SGCZ: variants seen among roughly 807,000 people sequenced by gnomAD.
SGCZ encodes zeta-sarcoglycan.
SGCZ carries 40 observed loss-of-function variants against 41.3 expected under a neutral mutation model. The ratio of observed to expected loss-of-function variants is 0.97; its 90% CI spans 0.75 to 1.26. The LOEUF (loss-of-function observed/expected upper bound fraction) is 1.26. SGCZ is among the 50% of genes most tolerant of loss of function. The pLI, the probability that SGCZ is intolerant of heterozygous loss-of-function variation, is 0.00. For missense variants in SGCZ, 552 were observed against 369.8 expected (o/e 1.49, Z -4.04); for synonymous variants, 206 against 137.5 (o/e 1.50, Z -3.49).
At chr8:14,281,756 C>T (rs1207298608) in intron 3 of SGCZ, among the ~76,000 whole-genome samples, 2 of 151,860 alleles carry the variant, frequency 1.3e-5, no homozygotes, top group Non-Finnish European at 2.9e-5. Context: ...CATAGAGGGG[C>T]CTGTGAGGTT....
intron 3 of SGCZ, among the ~76,000 whole-genome samples, chr8:14,306,563 C>G (rs1040157418): frequency 6.6e-6 from 1 of 152,024 alleles, no homozygotes; most frequent in East Asian, 1.9e-4. Flanking sequence ...TTTTTGATGA[C>G]CAAAAGAGGA....
At chr8:14,809,225 T>C (rs1001523686) in intron 1 of SGCZ, among the ~76,000 whole-genome samples, 1 of 151,784 alleles carries the variant, frequency 6.6e-6, no homozygotes, top group African/African-American at 2.4e-5. Flanking sequence ...AAACTTAAAG[T>C]ATAATAATAA....
rs116453111 is a variant in SGCZ at position 15,086,458 on chromosome 8, A to G, written c.39+151127T>C. ...TTTCCATGCCCTTGATTCAATACCT[A>G]TTGAATATGTATCTGAACATATGTC... On this transcript the variant is annotated intron_variant, in intron 1 of 7. Coordinates refer to ENST00000382080, the MANE Select transcript of SGCZ (RefSeq NM_139167.4). Among the ~76,000 whole-genome samples, 1,057 of 152,180 alleles carry G rather than the reference A, an allele frequency of 6.9e-3. 13 individuals carry two copies. The highest frequency in any genetic ancestry group is 0.024 in the African/African-American group (1,016 of 41,494).
chr8:14,271,419 T>C (rs1398094653), intron 3 of SGCZ, among the ~76,000 whole-genome samples: 1 of 152,202 alleles, frequency 6.6e-6, no homozygotes, highest in Admixed American at 6.5e-5. Flanking sequence ...CCATGAAGAC[T>C]TGTAGATAGT....
At chr8:14,144,387 C>G (rs56751844) in intron 5 of SGCZ, among the ~76,000 whole-genome samples, 27,170 of 152,036 alleles carry the variant, frequency 0.18, 3,266 homozygotes, top group East Asian at 0.65. Flanking sequence ...GAAGGGAATC[C>G]ACTGCTTTGA....
chr8:14,127,375 G>T (rs1802893844), intron 5 of SGCZ, among the ~76,000 whole-genome samples: 1 of 151,988 alleles, frequency 6.6e-6, no homozygotes, highest in East Asian at 1.9e-4. Context: ...TTTTGTCAGT[G>T]GCAAAGCATA....
At chr8:14,929,838 T>C (rs1281047285) in intron 1 of SGCZ, among the ~76,000 whole-genome samples, 2 of 152,058 alleles carry the variant, frequency 1.3e-5, no homozygotes, top group African/African-American at 4.8e-5. Context: ...TCCTCATTAT[T>C]TCAACAGAAT....
intron 3 of SGCZ, among the ~76,000 whole-genome samples, chr8:14,261,906 T>C (rs78994646): frequency 0.015 from 2,343 of 152,280 alleles, 35 homozygotes; most frequent in Non-Finnish European, 0.024. Context: ...AGGAAAAGTT[T>C]ACTGAACTTT....
At chr8:14,403,438 G>A (rs2117252737) in intron 2 of SGCZ, among the ~76,000 whole-genome samples, 1 of 151,692 alleles carries the variant, frequency 6.6e-6, no homozygotes, top group Non-Finnish European at 1.5e-5. Flanking sequence ...GTCATAGATA[G>A]CTCTTATTAT....
chr8:14,282,678 T>C (rs1165979622), intron 3 of SGCZ, among the ~76,000 whole-genome samples: 1 of 152,146 alleles, frequency 6.6e-6, no homozygotes, highest in African/African-American at 2.4e-5. Context: ...CTCAGTTGCC[T>C]GATCCTTCCA....
intron 1 of SGCZ, among the ~76,000 whole-genome samples, chr8:14,950,385 C>A (rs1800594646): frequency 6.6e-6 from 1 of 151,834 alleles, no homozygotes; most frequent in Non-Finnish European, 1.5e-5. Flanking sequence ...TCCCTTCTTT[C>A]CTGTTTTGTT....
intron 1 of SGCZ, among the ~76,000 whole-genome samples, chr8:15,039,388 G>A (rs139483794): frequency 2.6e-4 from 39 of 152,250 alleles, no homozygotes; most frequent in Middle Eastern, 3.4e-3. Flanking sequence ...GACAAATACC[G>A]CATGATATTA....
intron 1 of SGCZ, among the ~76,000 whole-genome samples, chr8:14,637,661 T>A (rs1432818098): frequency 1.3e-5 from 2 of 151,922 alleles, no homozygotes; most frequent in African/African-American, 4.8e-5. Flanking sequence ...TCCGTTCTTT[T>A]TTATGGCTGC....
At chr8:14,354,573 CAT>C (rs944566222) in intron 2 of SGCZ, among the ~76,000 whole-genome samples, 199 of 151,624 alleles carry the variant, frequency 1.3e-3, no homozygotes, top group African/African-American at 4.3e-3. Context: ...ACTACAAAGA[CAT>C]AAACATAATA....
chr8:14,611,289 C>G (rs1805919956), intron 1 of SGCZ, among the ~76,000 whole-genome samples: 1 of 151,216 alleles, frequency 6.6e-6, no homozygotes, highest in African/African-American at 2.4e-5. Context: ...GAGAAATAAT[C>G]TTCACTATCT....
At chr8:14,547,148 TAATC>T (rs1434863870) in intron 2 of SGCZ, among the ~76,000 whole-genome samples, 2 of 152,188 alleles carry the variant, frequency 1.3e-5, no homozygotes, top group African/African-American at 2.4e-5. Flanking sequence ...TATAATATCT[TAATC>T]AGGTAATAAT....
At chr8:14,580,379 A>G (rs541897968) in intron 1 of SGCZ, among the ~76,000 whole-genome samples, 1 of 152,356 alleles carries the variant, frequency 6.6e-6, no homozygotes, top group African/African-American at 2.4e-5. Flanking sequence ...AAATAGTAAT[A>G]CTTTAAATGG....
At chr8:14,713,830 G>C (rs1310592431) in intron 1 of SGCZ, among the ~76,000 whole-genome samples, 2 of 152,014 alleles carry the variant, frequency 1.3e-5, no homozygotes, top group African/African-American at 4.8e-5. Flanking sequence ...GAGTCCTTCA[G>C]GGAAAAATAA....
Position 15,110,033 on chromosome 8 carries a change from T to C in SGCZ, c.39+127552A>G, listed in dbSNP as rs549387876. ...TTCTTCTCTTGAGGCCACAGGGACA[T>C]TTTCATTAGTTAATTATTCAGAGAC... is the stretch of plus-strand genomic sequence containing the variant. On this transcript the variant is annotated intron_variant, in intron 1 of 7. Transcript: ENST00000382080. Among the ~76,000 whole-genome samples, 14 of 152,288 alleles carry C rather than the reference T, an allele frequency of 9.2e-5. 1 individual carries two copies. The South Asian group carries it at 1.7e-3, about 18-fold the overall frequency.
Sources: allele counts gnomAD v4.1 joint callset (sites outside exome capture counted in the v4.1 genomes callset), GRCh38; gene constraint gnomAD v4.1.1; transcripts MANE v1.5; gene names NCBI Gene and HGNC (gene_info 2026-07-23, HGNC 2026-07-21).